The following ABI1 variants were observed in gnomAD, a reference collection of about 807,000 sequenced individuals.
The protein encoded by ABI1 is Abelson interactor 1.
In ABI1, 14 loss-of-function variants were observed where a neutral mutation model predicts 54.6. The observed-to-expected ratio is 0.26, with a 90% CI of 0.17 to 0.40. The LOEUF is 0.40. ABI1 is among the 10% of genes least tolerant of loss of function. ABI1 has a pLI of 1.00. For missense variants in ABI1, 443 were observed against 598.3 expected (o/e 0.74, Z 2.71); for synonymous variants, 194 against 209.3 (o/e 0.93, Z 0.63).
chr10:26,817,340 C>T (rs2047640206), intron 2 of ABI1, among the ~76,000 whole-genome samples: 1 of 152,048 alleles, frequency 6.6e-6, no homozygotes, highest in Non-Finnish European at 1.5e-5. Flanking sequence ...AGTCATTTGC[C>T]AGACATTGTG....
chr10:26,803,635 T>G (rs1443352781), intron 2 of ABI1, among the ~76,000 whole-genome samples: 1 of 152,240 alleles, frequency 6.6e-6, no homozygotes, highest in Non-Finnish European at 1.5e-5. Context: ...TTTAACATTC[T>G]GAACCAAATA....
At chr10:26,845,258 A>G (rs2049883981) in intron 1 of ABI1, among the ~76,000 whole-genome samples, 1 of 152,188 alleles carries the variant, frequency 6.6e-6, no homozygotes, top group South Asian at 2.1e-4. Flanking sequence ...TCCATACAGA[A>G]CATTTCCTCA....
rs1365431324 is a variant in ABI1, at chr10:26,860,076, C to T, written c.117+671G>A. On this transcript the variant is annotated intron_variant, in intron 1 of 10. Coordinates refer to ENST00000376140, the MANE Select transcript of ABI1 (RefSeq NM_001012750.3). This position sits in a 1 kb window ranked among gnomAD's most constrained non-coding sequence, Gnocchi z 4.1. ...TCAATTAAAGGAATTTTAAGATGAA[C>T]TTCTCTCAAACGCCCTCCCTCACTC... 6.6e-6 allele frequency among the ~76,000 whole-genome samples: 1 copy of T among 152,168 alleles called. No individual in the cohort carries two copies. The highest frequency in any genetic ancestry group is 2.1e-4 in the South Asian group (1 of 4,828).
intron 2 of ABI1, among the ~76,000 whole-genome samples, chr10:26,813,334 C>G (rs897266443): frequency 3.0e-4 from 45 of 151,646 alleles, no homozygotes; most frequent in Non-Finnish European, 5.9e-4. Context: ...CATTAGGAAT[C>G]TGAAGAAGCC....
At chr10:26,805,646 G>A (rs954158300) in intron 2 of ABI1, among the ~76,000 whole-genome samples, 1 of 152,148 alleles carries the variant, frequency 6.6e-6, no homozygotes, top group Admixed American at 6.5e-5. Flanking sequence ...AGGATTGCCA[G>A]CTGTTTACCC....
chr10:26,855,786 T>C (rs10829122), intron 1 of ABI1, among the ~76,000 whole-genome samples: 38,964 of 150,000 alleles, frequency 0.26, 5,692 homozygotes, highest in South Asian at 0.44. Flanking sequence ...GCCTGGCCAA[T>C]ATGGTGAAAC....
intron 2 of ABI1, among the ~76,000 whole-genome samples, chr10:26,779,125 T>A (rs1225520714): frequency 6.6e-6 from 1 of 152,186 alleles, no homozygotes; most frequent in African/African-American, 2.4e-5. Flanking sequence ...TTTTCTATAG[T>A]TTTGGCAATG....
At chr10:26,854,533 T>C (rs999182053) in intron 1 of ABI1, among the ~76,000 whole-genome samples, 7 of 152,154 alleles carry the variant, frequency 4.6e-5, no homozygotes, top group African/African-American at 1.7e-4. Context: ...TGTATCACCT[T>C]GACACAACAG....
chr10:26,813,078 G>A (rs1481792503), intron 2 of ABI1, among the ~76,000 whole-genome samples: 2 of 151,970 alleles, frequency 1.3e-5, no homozygotes, highest in African/African-American at 2.4e-5. Flanking sequence ...GTGAAACCCC[G>A]TCTCTAAGAA....
intron 7 of ABI1, among the ~76,000 whole-genome samples, chr10:26,762,033 GT>G (rs1019561882): frequency 1.3e-5 from 2 of 151,936 alleles, no homozygotes; most frequent in Non-Finnish European, 2.9e-5. Flanking sequence ...TTAAGATGGG[GT>G]CTCACTCTGT....
chr10:26,839,912 C>T (rs1455681376), intron 1 of ABI1: 2 of 597,692 alleles, frequency 3.3e-6, no homozygotes, highest in African/African-American at 1.9e-5. Flanking sequence ...ACTGCTGGAA[C>T]CCAGGACTTT....
At chr10:26,760,105 T>G (rs1838932251) in intron 7 of ABI1, among the ~76,000 whole-genome samples, 2 of 151,814 alleles carry the variant, frequency 1.3e-5, no homozygotes, top group Admixed American at 1.3e-4. Context: ...AAAATTAGCA[T>G]GCTCATATAT....
At chr10:26,808,159 A>C (rs7910026) in intron 2 of ABI1, among the ~76,000 whole-genome samples, 6,582 of 152,224 alleles carry the variant, frequency 0.043, 344 homozygotes, top group East Asian at 0.21. Context: ...ACAATCTCTT[A>C]TCTGTAGTTT....
intron 2 of ABI1, among the ~76,000 whole-genome samples, chr10:26,792,068 T>G (rs2133212536): frequency 6.6e-6 from 1 of 152,284 alleles, no homozygotes; most frequent in South Asian, 2.1e-4. Flanking sequence ...TAAACAATAA[T>G]TGTTTAGTGA....
intron 1 of ABI1, among the ~76,000 whole-genome samples, chr10:26,854,547 G>C (rs1448716119): frequency 6.6e-6 from 1 of 152,070 alleles, no homozygotes. Context: ...ACAACAGCAT[G>C]AATAAACATG....
chr10:26,779,460 G>A, intron 2 of ABI1, among the ~76,000 whole-genome samples: 1 of 152,170 alleles, frequency 6.6e-6, no homozygotes, highest in Admixed American at 6.5e-5. Context: ...AAATCTTCCA[G>A]ACTAAGATTT....
chr10:26,812,797 C>T (rs952921881), intron 2 of ABI1, among the ~76,000 whole-genome samples: 12 of 152,164 alleles, frequency 7.9e-5, no homozygotes, highest in African/African-American at 2.9e-4. Context: ...TATTCTGTAA[C>T]CTCATTTTAA....
intron 2 of ABI1, among the ~76,000 whole-genome samples, chr10:26,798,311 G>T (rs117396484): frequency 3.7e-3 from 570 of 152,098 alleles, no homozygotes; most frequent in Non-Finnish European, 6.2e-3. Flanking sequence ...CCAGTATTGG[G>T]GGGGGTGAAT....
At chr10:26,778,989 A>T (rs1457512869) in intron 2 of ABI1, among the ~76,000 whole-genome samples, 2 of 152,184 alleles carry the variant, frequency 1.3e-5, no homozygotes, top group Non-Finnish European at 2.9e-5. Context: ...TCTGGCTACT[A>T]CTATTGCCAT....
Sources: allele counts gnomAD v4.1 joint callset (sites outside exome capture counted in the v4.1 genomes callset), GRCh38; gene constraint gnomAD v4.1.1; non-coding constraint Gnocchi (gnomAD v3.1); transcripts MANE v1.5; gene names NCBI Gene and HGNC (gene_info 2026-07-23, HGNC 2026-07-21).